Variants in B3GALNT2 observed in about 807,000 individuals in gnomAD.
The protein encoded by B3GALNT2 is beta-1,3-N-acetylgalactosaminyltransferase 2.
In B3GALNT2, 53 loss-of-function variants were observed where a neutral mutation model predicts 61.1. That is an observed-to-expected ratio of 0.87 (90% confidence interval 0.70 to 1.09). The LOEUF (loss-of-function observed/expected upper bound fraction) is 1.09, where lower values mean the gene tolerates loss of function less well. B3GALNT2 is among the 50% of genes least tolerant of loss of function. The probability of loss-of-function intolerance (pLI) is 0.00; values close to 1 mark genes in which losing one functional copy is unlikely to be tolerated. For synonymous variants in B3GALNT2, 223 were observed against 237.4 expected (o/e 0.94, Z 0.56); for missense variants, 544 against 623.0 (o/e 0.87, Z 1.35).
At chr1:235,491,322 CT>C (rs1685057556) in intron 2 of B3GALNT2, among the ~76,000 whole-genome samples, 2 of 152,076 alleles carry the variant, frequency 1.3e-5, no homozygotes, top group Admixed American at 6.5e-5. Flanking sequence ...CAAAAGCGTT[CT>C]ATGAGAATCA....
intron 11 of B3GALNT2, chr1:235,451,823 AAGCCAG>A (rs1682921615): frequency 6.6e-6 from 1 of 152,220 alleles, no homozygotes; most frequent in African/African-American, 2.4e-5. Flanking sequence ...TCTGAAGCTA[AAGCCAG>A]CTTTGTGCTT....
chr1:235,448,339 C>T lies in B3GALNT2; in HGVS notation c.*1867G>A. On this transcript the variant is annotated 3_prime_UTR_variant, in exon 12 of 12. Coordinates refer to ENST00000366600, the MANE Select transcript of B3GALNT2 (RefSeq NM_152490.5). ...GAGAGAACGAATGGACTTTTCTTGT[C>T]TTTTGATAGGCTCCATGACAATTCA... 1 of 1,612,300 alleles carries T rather than the reference C, an allele frequency of 6.2e-7. No individual in the cohort carries two copies. The highest frequency in any genetic ancestry group is 8.5e-7 in the Non-Finnish European group (1 of 1,178,992).
chr1:235,447,649 C>G lies in B3GALNT2; in HGVS notation c.*2557G>C, dbSNP rs1312271282. 6.6e-6 allele frequency among the ~76,000 whole-genome samples: 1 copy of G among 152,146 alleles called. No individual in the cohort carries two copies. The highest frequency in any genetic ancestry group is 1.5e-5 in the Non-Finnish European group (1 of 68,028). On this transcript the variant is annotated 3_prime_UTR_variant, in exon 12 of 12. Transcript: ENST00000366600. ...TCCTCAGGATACCTGAGTCCCATTC[C>G]AGTGTTCGTTCAGTAATTCATAAGG...
intron 7 of B3GALNT2, chr1:235,464,542 C>T (rs1683594936): frequency 6.6e-6 from 1 of 151,558 alleles, no homozygotes. Flanking sequence ...AATAATTCAC[C>T]CTGTTAACAG....
At chr1:235,443,777 C>CT (rs2102942525), downstream of B3GALNT2, among the ~76,000 whole-genome samples, 1 of 152,240 alleles carries the variant, frequency 6.6e-6, no homozygotes, top group African/African-American at 2.4e-5. Context: ...AAATGGTTTT[C>CT]TTTGAGAAAG....
rs1164863571 is a variant in B3GALNT2, at chr1:235,471,032, C to T, written c.652-72G>A. The T allele has an allele frequency of 1.9e-6, 3 of 1,561,082 alleles. No homozygotes were observed. The African/African-American group carries it at 4.1e-5, about 21-fold the overall frequency. On this transcript the variant is annotated intron_variant, in intron 5 of 11. Transcript: ENST00000366600. Reference sequence around the variant, plus strand: ...TTTAGGTTTTAAGTATGCTTTCAGGCAAGATTTTTAGAGAAAATTTTTCCC... The same window carrying T: ...TTTAGGTTTTAAGTATGCTTTCAGGTAAGATTTTTAGAGAAAATTTTTCCC...
chr1:235,445,958 G>A (rs888324335), downstream of B3GALNT2, among the ~76,000 whole-genome samples: 7 of 152,150 alleles, frequency 4.6e-5, no homozygotes, highest in African/African-American at 1.4e-4. Context: ...GCTGTCCAGT[G>A]TGGCTGCAAT....
chr1:235,439,952 C>T, the B3GALNT2 span, among the ~76,000 whole-genome samples: 1 of 151,916 alleles, frequency 6.6e-6, no homozygotes, highest in African/African-American at 2.4e-5. Context: ...CAGGCGCACA[C>T]CACCATGCCT....
At position 235,454,290 on chromosome 1, in the gene B3GALNT2, G is replaced by A. The variant is rs1300792331; in HGVS notation, c.1177C>T (p.Arg393Ter). ...TCCAACTCCTGCCACTTTCCGGTTC[G>A]GTCAACTGCCCAATTCAGTCTGAAA... The part of the protein sequence containing the change: ...GNFRLNWAVD[R>*]TGKWQELEYP... The change falls in exon 10 of 12, where the codon CGA becomes TGA. Residue 393 changes from arginine (R) to a stop codon, truncating the protein, a stop_gained. Coordinates refer to ENST00000366600, the MANE Select transcript of B3GALNT2 (RefSeq NM_152490.5). LOFTEE classifies it high-confidence loss of function. 9 of 1,612,926 alleles carry A rather than the reference G, an allele frequency of 5.6e-6. No homozygotes were observed. The highest frequency in any genetic ancestry group is 4.0e-5 in the African/African-American group (3 of 74,946).
At chr1:235,467,549 A>T (rs1683764647) in intron 6 of B3GALNT2, among the ~76,000 whole-genome samples, 1 of 143,120 alleles carries the variant, frequency 7.0e-6, no homozygotes, top group Admixed American at 7.3e-5. Context: ...CGATGGCGTG[A>T]TTTCGGCTCA....
chr1:235,496,365 T>G (rs1336551722), intron 1 of B3GALNT2: 2 of 967,886 alleles, frequency 2.1e-6, no homozygotes, highest in African/African-American at 3.6e-5. Context: ...ATTATTTCAC[T>G]CTACAATGAG....
downstream of B3GALNT2, among the ~76,000 whole-genome samples, chr1:235,446,943 G>A (rs1199318164): frequency 6.6e-6 from 1 of 152,108 alleles, no homozygotes; most frequent in East Asian, 1.9e-4. Flanking sequence ...CCAAAGTGCT[G>A]GGGTTACAGG....
At chr1:235,472,687 A>G (rs371223410) in intron 5 of B3GALNT2, among the ~76,000 whole-genome samples, 2 of 152,190 alleles carry the variant, frequency 1.3e-5, no homozygotes, top group East Asian at 3.8e-4. Flanking sequence ...TGAACTAAAA[A>G]TCAACCAGAA....
At chr1:235,460,205 C>T (rs1286139464) in intron 7 of B3GALNT2, among the ~76,000 whole-genome samples, 1 of 152,088 alleles carries the variant, frequency 6.6e-6, no homozygotes, top group East Asian at 1.9e-4. Context: ...TCTCCACCTC[C>T]CGGGTTCAAG....
chr1:235,445,599 G>A (rs1259123310), downstream of B3GALNT2, among the ~76,000 whole-genome samples: 6 of 152,140 alleles, frequency 3.9e-5, no homozygotes, highest in Non-Finnish European at 8.8e-5. Flanking sequence ...TTGAGCCACT[G>A]CAATCTGGCC....
chr1:235,460,719 A>G (rs1281900538), intron 7 of B3GALNT2, among the ~76,000 whole-genome samples: 1 of 151,468 alleles, frequency 6.6e-6, no homozygotes, highest in Admixed American at 6.6e-5. Context: ...TACTCCCGGC[A>G]CCTGTCACCA....
At chr1:235,489,533 A>G (rs999036436) in intron 2 of B3GALNT2, among the ~76,000 whole-genome samples, 3 of 152,234 alleles carry the variant, frequency 2.0e-5, no homozygotes, top group African/African-American at 7.2e-5. Context: ...GCAAATGTTC[A>G]TATCATTTAA....
At chr1:235,478,559 A>G (rs907364806) in intron 5 of B3GALNT2, among the ~76,000 whole-genome samples, 2 of 152,232 alleles carry the variant, frequency 1.3e-5, no homozygotes, top group African/African-American at 2.4e-5. Flanking sequence ...CTTCGACCCA[A>G]CAATTCATCC....
intron 7 of B3GALNT2, 26 bp downstream of exon 7, chr1:235,465,610 T>TAAGACA: frequency 6.2e-7 from 1 of 1,612,670 alleles, no homozygotes; most frequent in Non-Finnish European, 8.5e-7. Flanking sequence ...TCAGTGTACT[T>TAAGACA]TTCAAGTTTC....
Sources: allele counts gnomAD v4.1 joint callset (sites outside exome capture counted in the v4.1 genomes callset), GRCh38; gene constraint gnomAD v4.1.1; transcripts MANE v1.5; gene names NCBI Gene and HGNC (gene_info 2026-07-23, HGNC 2026-07-21).